Variants in NEK11 observed in about 807,000 individuals in gnomAD.
NEK11 encodes NIMA related kinase 11.
In NEK11, 72 loss-of-function variants were observed where a neutral mutation model predicts 80.7. The ratio of observed to expected loss-of-function variants is 0.89; its 90% CI spans 0.74 to 1.08. The LOEUF (loss-of-function observed/expected upper bound fraction) is 1.08, where lower values mean the gene tolerates loss of function less well. Among genes scored for constraint, NEK11 ranks in the 50% least tolerant of loss-of-function variants. The pLI is 0.00. For missense variants in NEK11, 764 were observed against 763.6 expected, an observed-to-expected ratio of 1.00 and a Z score of -0.01; for synonymous variants, 251 against 260.7, an observed-to-expected ratio of 0.96 and a Z score of 0.36.
intron 16 of NEK11, among the ~76,000 whole-genome samples, chr3:131,251,455 A>G (rs988362587): frequency 6.6e-6 from 1 of 152,170 alleles, no homozygotes. Flanking sequence ...GGACACTTTG[A>G]TTTCTGAGAA....
At chr3:131,212,031 G>A (rs570795364) in intron 14 of NEK11, among the ~76,000 whole-genome samples, 5 of 152,288 alleles carry the variant, frequency 3.3e-5, no homozygotes, top group African/African-American at 1.2e-4. Context: ...CGATCCTTTG[G>A]AGGAGAAGAG....
At chr3:131,315,566 T>C (rs901966690) in intron 17 of NEK11, among the ~76,000 whole-genome samples, 1 of 151,912 alleles carries the variant, frequency 6.6e-6, no homozygotes, top group Non-Finnish European at 1.5e-5. Flanking sequence ...TCTTCAACTT[T>C]TAAGTTCCGG....
intron 14 of NEK11, among the ~76,000 whole-genome samples, chr3:131,206,893 A>G (rs2094457025): frequency 6.6e-6 from 1 of 151,668 alleles, no homozygotes; most frequent in Non-Finnish European, 1.5e-5. Context: ...TTCAATTCCC[A>G]CCTATGAGTG....
intron 3 of NEK11, among the ~76,000 whole-genome samples, chr3:131,059,213 T>A (rs574902818): frequency 6.6e-6 from 1 of 152,304 alleles, no homozygotes; most frequent in African/African-American, 2.4e-5. Context: ...TACTTTTATC[T>A]GGAGCTGGAG....
chr3:131,165,243 G>A, intron 11 of NEK11, 183 bp from the exon 12 acceptor site: 1 of 556,104 alleles, frequency 1.8e-6, no homozygotes, highest in Non-Finnish European at 3.3e-6. Context: ...TATCTTGTGT[G>A]TGCTTTAAAA....
chr3:131,260,902 G>A (rs2095906685), intron 16 of NEK11, among the ~76,000 whole-genome samples: 1 of 151,856 alleles, frequency 6.6e-6, no homozygotes, highest in African/African-American at 2.4e-5. Context: ...CAATGTCTCA[G>A]GTGCTTAAGT....
chr3:131,164,770 G>A (rs182263647), intron 11 of NEK11, among the ~76,000 whole-genome samples: 1 of 152,266 alleles, frequency 6.6e-6, no homozygotes, highest in African/African-American at 2.4e-5. Flanking sequence ...GGGGGATCAT[G>A]TGTTTTAGCT....
chr3:131,333,234 A>T (rs952973052), intron 17 of NEK11, among the ~76,000 whole-genome samples: 122 of 152,288 alleles, frequency 8.0e-4, no homozygotes, highest in African/African-American at 2.7e-3. Context: ...CGGGTTACCC[A>T]CAAAGGGAAG....
chr3:131,037,280 C>G (rs541505248), intron 3 of NEK11, among the ~76,000 whole-genome samples: 14 of 137,250 alleles, frequency 1.0e-4, no homozygotes, highest in African/African-American at 3.5e-4. Context: ...ATAAAAAGAA[C>G]TTCATCCATT....
chr3:131,307,377 G>T (rs764631781), intron 17 of NEK11, among the ~76,000 whole-genome samples: 2 of 152,184 alleles, frequency 1.3e-5, no homozygotes, highest in African/African-American at 2.4e-5. Context: ...TATTTCATTT[G>T]AAAATATATT....
chr3:131,223,859 G>A (rs943563838), intron 14 of NEK11, among the ~76,000 whole-genome samples: 4 of 152,072 alleles, frequency 2.6e-5, no homozygotes, highest in African/African-American at 4.8e-5. Flanking sequence ...ACAGAGAGGC[G>A]AGATTCCATA....
chr3:131,089,261 G>C (rs2076407821), intron 4 of NEK11, among the ~76,000 whole-genome samples: 1 of 152,150 alleles, frequency 6.6e-6, no homozygotes, highest in African/African-American at 2.4e-5. Flanking sequence ...TACTGAGTTG[G>C]AGTTATTGTT....
chr3:131,172,395 G>T (rs2092746764), intron 14 of NEK11, among the ~76,000 whole-genome samples: 1 of 152,300 alleles, frequency 6.6e-6, no homozygotes, highest in South Asian at 2.1e-4. Context: ...CACCAGATTT[G>T]CACTTGAAGT....
At chr3:131,046,083 G>T (rs2109848919) in intron 3 of NEK11, among the ~76,000 whole-genome samples, 1 of 152,208 alleles carries the variant, frequency 6.6e-6, no homozygotes, top group South Asian at 2.1e-4. Flanking sequence ...TCTTTTAAGT[G>T]GAGCATTTAT....
chr3:131,315,107 A>G (rs1403977395), intron 17 of NEK11, among the ~76,000 whole-genome samples: 1 of 152,178 alleles, frequency 6.6e-6, no homozygotes, highest in Non-Finnish European at 1.5e-5. Context: ...ATCATCTCAT[A>G]TAGTTTCTTT....
At chr3:131,166,844 C>T (rs2092284461) in intron 12 of NEK11, among the ~76,000 whole-genome samples, 1 of 152,224 alleles carries the variant, frequency 6.6e-6, no homozygotes, top group Non-Finnish European at 1.5e-5. Context: ...ACTCAAGCCC[C>T]CTCTGAAAAC....
At chr3:131,314,273 C>G (rs1302362495) in intron 17 of NEK11, among the ~76,000 whole-genome samples, 2 of 152,196 alleles carry the variant, frequency 1.3e-5, no homozygotes, top group African/African-American at 4.8e-5. Context: ...ATGGAACAAC[C>G]ATCAAGAATA....
chr3:131,347,762 A>T (rs2097385594), intron 17 of NEK11, among the ~76,000 whole-genome samples: 1 of 152,140 alleles, frequency 6.6e-6, no homozygotes, highest in Non-Finnish European at 1.5e-5. Context: ...AACATGGTGA[A>T]ATCCCATCTC....
At chr3:131,319,099 A>T (rs2096872741) in intron 17 of NEK11, among the ~76,000 whole-genome samples, 1 of 152,142 alleles carries the variant, frequency 6.6e-6, no homozygotes, top group Non-Finnish European at 1.5e-5. Context: ...AGACTAAGAT[A>T]AATATCTTGT....
Sources: gnomAD v4.1 joint callset for allele counts (sites outside exome capture counted in the v4.1 genomes callset) on GRCh38, gnomAD v4.1.1 for gene constraint, MANE v1.5 for transcripts, NCBI Gene and HGNC (gene_info 2026-07-23, HGNC 2026-07-21) for gene names.